The following AAK1 variants were observed in gnomAD, a reference collection of about 807,000 sequenced individuals.
AAK1 encodes the protein AP2-associated protein kinase 1.
A neutral mutation model predicts 116.0 loss-of-function variants in AAK1; 37 were observed. The ratio of observed to expected loss-of-function variants is 0.32; its 90% CI spans 0.25 to 0.42. AAK1 has a LOEUF of 0.42. Ranked by LOEUF, AAK1 falls within the 10% of genes least tolerant of loss-of-function variation. The pLI is 1.00. For missense variants in AAK1, 919 were observed against 1,170.6 expected (o/e 0.79, Z 3.14); for synonymous variants, 458 against 439.9 (o/e 1.04, Z -0.51).
Position 69,472,754 on chromosome 2 carries a change from G to C in AAK1, c.*3115C>G. 3.0e-6 allele frequency: 3 copies of C among 985,344 alleles called. No individual in the cohort carries two copies. Among genetic ancestry groups the C allele is most frequent in the Non-Finnish European group, 3.6e-6 (3 of 829,890 alleles). The allele number at this position is 985,344 out of a possible 1,614,324, so 61.0% of individuals were successfully genotyped here. A position where few individuals can be genotyped will look rare whatever the true frequency, so the allele number is the denominator to read the frequency against. On this transcript the variant is annotated 3_prime_UTR_variant, in exon 22 of 22. Transcript: ENST00000409085. ...AAACATATGCTTATAGTATTTGCCCGTTTTAAACTGGTAGATGCCTGATTA... is the reference window on the plus strand; with the variant it reads ...AAACATATGCTTATAGTATTTGCCCCTTTTAAACTGGTAGATGCCTGATTA...
chr2:69,569,772 CTCA>C (rs980408267), intron 2 of AAK1, among the ~76,000 whole-genome samples: 18 of 152,118 alleles, frequency 1.2e-4, no homozygotes, highest in African/African-American at 4.3e-4. Context: ...GGATATTTTA[CTCA>C]TCATAATTGT....
chr2:69,632,830 G>A (rs1573028015), intron 2 of AAK1, among the ~76,000 whole-genome samples: 2 of 151,880 alleles, frequency 1.3e-5, no homozygotes, highest in Admixed American at 6.6e-5. Context: ...TCGGGAGATC[G>A]AGACCGTCCT....
chr2:69,622,005 G>A (rs1393166344), intron 2 of AAK1, among the ~76,000 whole-genome samples: 4 of 152,350 alleles, frequency 2.6e-5, no homozygotes, highest in East Asian at 1.9e-4. Context: ...CCTTCAGCCC[G>A]CCGCTGCACT....
At chr2:69,507,705 G>GT in intron 14 of AAK1, 127 bp from the exon 15 acceptor site, 10 of 790,554 alleles carry the variant, frequency 1.3e-5, no homozygotes, top group Admixed American at 3.3e-5. Context: ...TTCCACCACA[G>GT]TATTTTTTTT....
intron 2 of AAK1, among the ~76,000 whole-genome samples, chr2:69,594,488 T>G (rs993225832): frequency 6.6e-6 from 1 of 152,246 alleles, no homozygotes; most frequent in Non-Finnish European, 1.5e-5. Context: ...TGCTTTATAC[T>G]TAACCACATG....
chr2:69,538,881 CA>C (rs200461346), intron 5 of AAK1, among the ~76,000 whole-genome samples: 2 of 149,696 alleles, frequency 1.3e-5, no homozygotes, highest in African/African-American at 2.5e-5. Flanking sequence ...GACTTCATCT[CA>C]AAAAAAAACA....
chr2:69,490,923 C>CCACACACACACA (rs58662760), intron 17 of AAK1, among the ~76,000 whole-genome samples: 3,612 of 147,692 alleles, frequency 0.024, 200 homozygotes, highest in East Asian at 0.16. Context: ...GTGTGTGTAC[C>CCACACACACACA]CACACACACA....
chr2:69,513,569 C>T (rs563312670), intron 13 of AAK1, among the ~76,000 whole-genome samples: 15 of 152,262 alleles, frequency 9.9e-5, no homozygotes, highest in South Asian at 2.1e-4. Flanking sequence ...GTGATCCGCC[C>T]GCCTCGGCCT....
chr2:69,532,019 C>T (rs1436075340), intron 6 of AAK1, 22 bp downstream of exon 6: 19 of 1,611,674 alleles, frequency 1.2e-5, no homozygotes, highest in African/African-American at 2.7e-5. Flanking sequence ...GACAAAACTC[C>T]ATGAAAGGAG....
chr2:69,516,286 T>C (rs1204941758), intron 12 of AAK1, among the ~76,000 whole-genome samples: 1 of 151,594 alleles, frequency 6.6e-6, no homozygotes, highest in Non-Finnish European at 1.5e-5. Flanking sequence ...ATTATCTATG[T>C]TAATGCTGTT....
rs1486396875 is a variant in AAK1 at position 69,467,814 on chromosome 2, C to T, written c.*8055G>A. 2.0e-6 allele frequency: 2 copies of T among 985,286 alleles called. No homozygotes were observed. Among genetic ancestry groups the T allele is most frequent in the African/African-American group, 3.5e-5 (2 of 57,216 alleles). The allele number at this position is 985,286 out of a possible 1,614,324, so 61.0% of individuals were successfully genotyped here. A position where few individuals can be genotyped will look rare whatever the true frequency, so the allele number is the denominator to read the frequency against. On this transcript the variant is annotated 3_prime_UTR_variant, in exon 22 of 22. Transcript: ENST00000409085. ...GCATTAAAATCAGTTTATTGGGAAA[C>T]CAGTCACTTAGAGACATTACATTGT...
Position 69,621,872 on chromosome 2 carries a change from T to C in AAK1, c.163+21006A>G, listed in dbSNP as rs190349968. Among the ~76,000 whole-genome samples the C allele has an allele frequency of 1.9e-3, 288 of 152,324 alleles. 1 individual carries two copies. The highest frequency in any genetic ancestry group is 2.8e-3 in the Non-Finnish European group (193 of 68,018). Reference sequence around the variant, plus strand: ...TCCACACCTCCCCTCCAACTCCGAATCCAACCGGGCACCAAGGCCTGATGT... The same window carrying C: ...TCCACACCTCCCCTCCAACTCCGAACCCAACCGGGCACCAAGGCCTGATGT... On this transcript the variant is annotated intron_variant, in intron 2 of 21. Transcript: ENST00000409085.
At chr2:69,509,718 G>T (rs1301418305) in intron 13 of AAK1, among the ~76,000 whole-genome samples, 1 of 152,084 alleles carries the variant, frequency 6.6e-6, no homozygotes, top group Non-Finnish European at 1.5e-5. Context: ...ATAATATATA[G>T]GGTAACCATA....
intron 3 of AAK1, among the ~76,000 whole-genome samples, chr2:69,556,006 G>A (rs1305496872): frequency 6.6e-6 from 1 of 151,924 alleles, no homozygotes; most frequent in African/African-American, 2.4e-5. Context: ...ATTGTTCTAA[G>A]GACATTATAT....
chr2:69,588,991 G>C (rs988291083), intron 2 of AAK1, among the ~76,000 whole-genome samples: 4 of 152,218 alleles, frequency 2.6e-5, no homozygotes, highest in Non-Finnish European at 5.9e-5. Context: ...TCCACCTTGA[G>C]GGATATATGA....
chr2:69,519,397 G>A (rs1011907072), intron 11 of AAK1, among the ~76,000 whole-genome samples, 157 bp from the exon 12 acceptor site: 1 of 152,116 alleles, frequency 6.6e-6, no homozygotes, highest in African/African-American at 2.4e-5. Flanking sequence ...TGTCCCACCT[G>A]GAATGTCTTT....
Position 69,532,153 on chromosome 2 carries a change from T to G in AAK1, c.544A>C (p.Ile182Leu), listed in dbSNP as rs772667075. The G allele has an allele frequency of 1.2e-6, 2 of 1,613,424 alleles. No homozygotes were observed. The highest frequency in any genetic ancestry group is 4.5e-5 in the East Asian group (2 of 44,880). ...TAGTGGCCTCGGTCATGCAAGAGGATGTTTTCAACCTGAAAAACATTCCCC... is the reference window on the plus strand; with the variant it reads ...TAGTGGCCTCGGTCATGCAAGAGGAGGTTTTCAACCTGAAAAACATTCCCC... ...IIHRDLKVEN[I>L]LLHDRGHYVL... Residue 182 changes from isoleucine (I) to leucine (L), a missense_variant, in exon 6 of 22, where the codon ATC becomes CTC. Physicochemically the swap from Ile to Leu is conservative, Grantham distance 5 (BLOSUM62 2). Transcript: ENST00000409085.
At chr2:69,563,891 G>A (rs1390438619) in intron 2 of AAK1, among the ~76,000 whole-genome samples, 3 of 152,128 alleles carry the variant, frequency 2.0e-5, no homozygotes, top group Middle Eastern at 3.2e-3. Context: ...TTCCTCATGG[G>A]CAGAAATTAA....
intron 2 of AAK1, among the ~76,000 whole-genome samples, chr2:69,567,570 A>G (rs146883288): frequency 1.3e-5 from 2 of 149,058 alleles, no homozygotes; most frequent in African/African-American, 4.9e-5. Flanking sequence ...AAAAAATTTT[A>G]AAAAAACAAC....
Sources: gnomAD v4.1 joint callset for allele counts (sites outside exome capture counted in the v4.1 genomes callset) on GRCh38, gnomAD v4.1.1 for gene constraint, MANE v1.5 for transcripts, NCBI Gene and HGNC (gene_info 2026-07-23, HGNC 2026-07-21) for gene names.